CACNA1I: variants seen among roughly 807,000 people sequenced by gnomAD.
The protein encoded by CACNA1I is voltage-dependent T-type calcium channel subunit alpha-1I.
In CACNA1I, 74 loss-of-function variants were observed where a neutral mutation model predicts 201.6. The observed-to-expected ratio is 0.37, with a 90% CI of 0.30 to 0.45. The LOEUF (loss-of-function observed/expected upper bound fraction) is 0.45, where lower values mean the gene tolerates loss of function less well. Ranked by LOEUF, CACNA1I falls within the 20% of genes least tolerant of loss-of-function variation. The pLI is 1.00. For synonymous variants in CACNA1I, 1,431 were observed against 1,345.2 expected, an observed-to-expected ratio of 1.06 and a Z score of -1.40; for missense variants, 2,346 against 3,138.1, an observed-to-expected ratio of 0.75 and a Z score of 6.03.
rs374097122 is a variant in CACNA1I, at chr22:39,661,262, G to A, written c.2853G>A (p.Lys951=). 6.2e-7 allele frequency: 1 copy of A among 1,609,326 alleles called. No homozygotes were observed. The highest frequency in any genetic ancestry group is 1.7e-5 in the Admixed American group (1 of 59,592). ...TGCTGGTGGCCCTGGGCTCCCGAAA[G>A]AGCAGTGTCATGTCTCTAGGGAGGA... ...DPMLVALGSR[K]SSVMSLGRMS... The change falls in exon 16 of 37, where the codon AAG becomes AAA. Residue 951 remains lysine (K), a synonymous_variant. Coordinates refer to ENST00000402142, the MANE Select transcript of CACNA1I (RefSeq NM_021096.4).
chr22:39,580,029 C>A (rs1385901007), intron 1 of CACNA1I, among the ~76,000 whole-genome samples: 2 of 152,198 alleles, frequency 1.3e-5, no homozygotes, highest in African/African-American at 2.4e-5. Context: ...GACACTGAGC[C>A]CCTCAGGAGA....
intron 4 of CACNA1I, among the ~76,000 whole-genome samples, chr22:39,630,166 TCTCTG>T (rs1934019540): frequency 6.6e-6 from 1 of 152,116 alleles, no homozygotes; most frequent in Non-Finnish European, 1.5e-5. Flanking sequence ...CCCTTCCCTG[TCTCTG>T]CTCAGCATCA....
At chr22:39,605,055 G>A (rs1368111160) in intron 3 of CACNA1I, among the ~76,000 whole-genome samples, 7 of 149,200 alleles carry the variant, frequency 4.7e-5, no homozygotes, top group Admixed American at 2.7e-4. Flanking sequence ...CCAGCCCTCC[G>A]GTCCCCCTCC....
intron 1 of CACNA1I, among the ~76,000 whole-genome samples, chr22:39,590,744 G>A (rs1482499018): frequency 6.6e-6 from 1 of 152,238 alleles, no homozygotes; most frequent in Non-Finnish European, 1.5e-5. Flanking sequence ...TTCCTTTCCT[G>A]TGAAGTGGGG....
chr22:39,635,937 T>A (rs1934206425), intron 5 of CACNA1I, among the ~76,000 whole-genome samples: 1 of 151,648 alleles, frequency 6.6e-6, no homozygotes, highest in Non-Finnish European at 1.5e-5. Context: ...TCTTCTTGAC[T>A]CATCTCTCTG....
chr22:39,673,398 C>G (rs1185250201), intron 28 of CACNA1I, among the ~76,000 whole-genome samples: 3 of 152,202 alleles, frequency 2.0e-5, no homozygotes, highest in Non-Finnish European at 4.4e-5. Context: ...TGCAAGGAAC[C>G]CAGTCCAACT....
intron 18 of CACNA1I, 50 bp from the exon 19 acceptor site, chr22:39,663,668 C>A: frequency 6.2e-7 from 1 of 1,608,308 alleles, no homozygotes; most frequent in Non-Finnish European, 8.5e-7. Context: ...TCCTTCTGGC[C>A]AGGGTGGGAG....
chr22:39,643,942 G>T (rs1205958413), intron 7 of CACNA1I, among the ~76,000 whole-genome samples: 2 of 152,358 alleles, frequency 1.3e-5, no homozygotes, highest in African/African-American at 4.8e-5. Context: ...GAGCTCACAG[G>T]CTCGTGGGGA....
intron 10 of CACNA1I, chr22:39,656,472 C>T (rs992279014): frequency 3.9e-6 from 2 of 517,066 alleles, no homozygotes; most frequent in Non-Finnish European, 7.7e-6. Flanking sequence ...CCCCCACTTT[C>T]CTGGCGTCAG....
In CACNA1I at chr22:39,660,391, C is replaced by A. The variant is rs1934967756; in HGVS notation, c.2652C>A (p.Asn884Lys). ...CGGACGAGGACCAGAGCTCATCCAA[C>A]ATAGAAGAGTTTGATAAGCTCCAGG... ...SYSDEDQSSSNIEEFDKLQEG... is the reference protein window; with the variant it reads ...SYSDEDQSSSKIEEFDKLQEG... The change falls in exon 15 of 37, where the codon AAC becomes AAA. Residue 884 changes from asparagine (N) to lysine (K), a missense_variant. Asn to Lys is a moderately conservative substitution (Grantham distance 94). Coordinates refer to ENST00000402142, the MANE Select transcript of CACNA1I (RefSeq NM_021096.4). 6.2e-7 allele frequency: 1 copy of A among 1,612,786 alleles called. No homozygotes were observed.
At position 39,665,302 on chromosome 22, in the gene CACNA1I, T is replaced by TGC. The variant is rs1223137780; in HGVS notation, c.3852-196_3852-195insGC. Among the ~76,000 whole-genome samples, 2 of 152,130 alleles carry TGC rather than the reference T, an allele frequency of 1.3e-5. No individual in the cohort carries two copies. The highest frequency in any genetic ancestry group is 2.9e-5 in the Non-Finnish European group (2 of 67,988). On this transcript the variant is annotated intron_variant, in intron 21 of 36. Transcript: ENST00000402142. This position sits in a 1 kb window ranked among gnomAD's most constrained non-coding sequence, Gnocchi z 5.5. ...GGCCTGGGTGCAGCTTGCCTCCTGCTCTGCCCGTGTCTGGGCTGCCTGGCC... is the reference window on the plus strand; with the variant it reads ...GGCCTGGGTGCAGCTTGCCTCCTGCTGCCTGCCCGTGTCTGGGCTGCCTGGCC...
intron 4 of CACNA1I, among the ~76,000 whole-genome samples, chr22:39,630,585 C>G (rs1934032645): frequency 6.6e-6 from 1 of 152,260 alleles, no homozygotes; most frequent in African/African-American, 2.4e-5. Context: ...CACAGAGCAG[C>G]CGCCTTGGCC....
chr22:39,637,119 C>T (rs1405515909), intron 5 of CACNA1I, among the ~76,000 whole-genome samples: 1 of 152,206 alleles, frequency 6.6e-6, no homozygotes, highest in African/African-American at 2.4e-5. Context: ...CTATGCTGGG[C>T]CCTGGGGATG....
intron 1 of CACNA1I, among the ~76,000 whole-genome samples, chr22:39,571,439 C>T (rs1415315391): frequency 6.6e-6 from 1 of 152,124 alleles, no homozygotes; most frequent in African/African-American, 2.4e-5. Flanking sequence ...TGCCTCCGAG[C>T]AGCCTCTTCC....
chr22:39,641,689 G>GCA (rs1026805960), intron 6 of CACNA1I, among the ~76,000 whole-genome samples: 2 of 152,232 alleles, frequency 1.3e-5, no homozygotes, highest in African/African-American at 4.8e-5. Flanking sequence ...TGCACATAAT[G>GCA]CACACAGGTT....
intron 24 of CACNA1I, among the ~76,000 whole-genome samples, chr22:39,668,977 G>C (rs1039414820): frequency 6.6e-6 from 1 of 152,068 alleles, no homozygotes; most frequent in Admixed American, 6.5e-5. Flanking sequence ...AGATGGATTT[G>C]GGGAGGGGGA....
At chr22:39,630,608 C>T (rs1239017370) in intron 4 of CACNA1I, among the ~76,000 whole-genome samples, 1 of 152,262 alleles carries the variant, frequency 6.6e-6, no homozygotes, top group Non-Finnish European at 1.5e-5. Context: ...GGGCGCAGAG[C>T]ATGCCTGGTT....
chr22:39,604,927 A>T (rs1933167990), intron 3 of CACNA1I, among the ~76,000 whole-genome samples: 1 of 151,930 alleles, frequency 6.6e-6, no homozygotes, highest in Admixed American at 6.6e-5. Context: ...TATGTGCTGG[A>T]TTTGGGAACT....
chr22:39,581,540 G>A (rs1382909352), intron 1 of CACNA1I, among the ~76,000 whole-genome samples: 1 of 152,176 alleles, frequency 6.6e-6, no homozygotes, highest in Non-Finnish European at 1.5e-5. Flanking sequence ...AGCCTGGTGG[G>A]GGCTTGGATG....
Sources: gnomAD v4.1 joint callset for allele counts (sites outside exome capture counted in the v4.1 genomes callset) on GRCh38, gnomAD v4.1.1 for gene constraint, Gnocchi (gnomAD v3.1) non-coding constraint, MANE v1.5 for transcripts, NCBI Gene and HGNC (gene_info 2026-07-23, HGNC 2026-07-21) for gene names.